Variants in VAMP4 observed in about 807,000 individuals in gnomAD.
The protein encoded by VAMP4 is vesicle-associated membrane protein 4.
Under a neutral mutation model 23.5 loss-of-function variants are expected in VAMP4, and 19 were observed. That is an observed-to-expected ratio of 0.81 (90% confidence interval 0.56 to 1.19). The LOEUF (loss-of-function observed/expected upper bound fraction) is 1.19. Ranked by LOEUF, VAMP4 falls within the 50% of genes most tolerant of loss-of-function variation. The pLI, the probability that VAMP4 is intolerant of heterozygous loss-of-function variation, is 0.00. For missense variants in VAMP4, 145 were observed against 168.6 expected (o/e 0.86, Z 0.78); for synonymous variants, 31 against 51.0 (o/e 0.61, Z 1.67).
At chr1:171,740,531 G>T (rs1655891647) in intron 1 of VAMP4, among the ~76,000 whole-genome samples, 1 of 152,170 alleles carries the variant, frequency 6.6e-6, no homozygotes, top group Non-Finnish European at 1.5e-5. Context: ...CCAAATTCTT[G>T]CTGCCTGAGT....
chr1:171,700,968 T>C lies in VAMP4; in HGVS notation c.*3538A>G, dbSNP rs1217217759. On this transcript the variant is annotated 3_prime_UTR_variant, in exon 8 of 8. Coordinates refer to ENST00000236192, the MANE Select transcript of VAMP4 (RefSeq NM_003762.5). ...TTTGTATTCCCATCCCTAATTCTAC[T>C]TGGTTTCCAGAAGAAAAAAAAAATC... is the stretch of plus-strand genomic sequence containing the variant. The C allele has an allele frequency of 6.6e-6, 1 of 152,074 alleles. No individual in the cohort carries two copies. The highest frequency in any genetic ancestry group is 1.5e-5 in the Non-Finnish European group (1 of 68,024). The allele number at this position is 152,074 out of a possible 1,614,324, so 9.4% of individuals were successfully genotyped here.
intron 2 of VAMP4, among the ~76,000 whole-genome samples, chr1:171,737,747 T>C (rs1257293692): frequency 6.6e-6 from 1 of 152,176 alleles, no homozygotes; most frequent in African/African-American, 2.4e-5. Context: ...TTCTAAAATC[T>C]GAAAAATTCC....
rs1654509355 is a variant in VAMP4, at chr1:171,703,278, A to C, written c.*1228T>G. The stretch of plus-strand genomic sequence containing the variant: ...TTTCACTCTGACTTGTTTAAAAGAC[A>C]CAAGGAGGTTGGCATATTTTAAAGT... On this transcript the variant is annotated 3_prime_UTR_variant, in exon 8 of 8. Coordinates refer to ENST00000236192, the MANE Select transcript of VAMP4 (RefSeq NM_003762.5). 6.7e-6 allele frequency: 1 copy of C among 149,042 alleles called. No homozygotes were observed. Among genetic ancestry groups the C allele is most frequent in the African/African-American group, 2.4e-5 (1 of 41,050 alleles). 9.2% of individuals were successfully genotyped at this position (149,042 alleles called of 1,614,324 possible). A position where few individuals can be genotyped will look rare whatever the true frequency, so the allele number is the denominator to read the frequency against.
rs1363318805 is a variant in VAMP4 at position 171,701,041 on chromosome 1, A to C, written c.*3465T>G. ...TTAAAGAGGATCTAAACCCTACATC[A>C]ATCTAAAGCATTTAGACAAATGCAT... On this transcript the variant is annotated 3_prime_UTR_variant, in exon 8 of 8. Coordinates refer to ENST00000236192, the MANE Select transcript of VAMP4 (RefSeq NM_003762.5). 1.3e-5 allele frequency: 2 copies of C among 152,186 alleles called. No individual in the cohort carries two copies. Among genetic ancestry groups the C allele is most frequent in the African/African-American group, 2.4e-5 (1 of 41,448 alleles). 9.4% of individuals were successfully genotyped at this position (152,186 alleles called of 1,614,324 possible).
chr1:171,709,810 C>G (rs1338249395), intron 5 of VAMP4, 66 bp from the exon 6 acceptor site: 2 of 1,237,144 alleles, frequency 1.6e-6, no homozygotes, highest in Non-Finnish European at 2.4e-6. Flanking sequence ...TCTAGTCACA[C>G]AAAGATAAGA....
At chr1:171,714,471 A>G (rs11583920) in intron 4 of VAMP4, among the ~76,000 whole-genome samples, 26,229 of 152,242 alleles carry the variant, frequency 0.17, 2,356 homozygotes, top group Middle Eastern at 0.24. Context: ...CATTCATTCA[A>G]AAAACATTAA....
rs1340496302 is a variant in VAMP4, at chr1:171,737,495, G to A, written c.66+854C>T. On this transcript the variant is annotated intron_variant, in intron 2 of 7. Transcript: ENST00000236192. Reference sequence around the variant, plus strand: ...GAAGCATTATATAAAAGATACTCTGGAACATAAGATAATTACAGGTCTGGG... The same window carrying A: ...GAAGCATTATATAAAAGATACTCTGAAACATAAGATAATTACAGGTCTGGG... Among the ~76,000 whole-genome samples, 5 of 152,088 alleles carry A rather than the reference G, an allele frequency of 3.3e-5. 1 individual carries two copies. In the South Asian group the frequency reaches 1.0e-3, roughly 32 times the overall value.
intron 3 of VAMP4, among the ~76,000 whole-genome samples, chr1:171,723,077 AT>A (rs929713948): frequency 6.6e-6 from 1 of 152,108 alleles, no homozygotes; most frequent in African/African-American, 2.4e-5. Context: ...AGGTTCTGTG[AT>A]GCCCCCCTAC....
At chr1:171,734,827 T>C (rs978653443) in intron 2 of VAMP4, among the ~76,000 whole-genome samples, 4 of 152,184 alleles carry the variant, frequency 2.6e-5, no homozygotes, top group Admixed American at 6.6e-5. Context: ...GAGAAAGTGA[T>C]ACAATTACAG....
rs773724834 is a variant in VAMP4 at position 171,710,811 on chromosome 1, A to G, written c.168T>C (p.Val56=). The G allele has an allele frequency of 6.3e-7, 1 of 1,594,140 alleles. No individual in the cohort carries two copies. The highest frequency in any genetic ancestry group is 8.5e-7 in the Non-Finnish European group (1 of 1,170,836). ...FGPRNDKIKH[V]QNQVDEVIDV... Reference sequence around the variant, plus strand: ...CAATAACTTCATCCACTTGATTCTGAACACTAGTTTAAAAAAGATACACAA... The same window carrying G: ...CAATAACTTCATCCACTTGATTCTGGACACTAGTTTAAAAAAGATACACAA... The change falls in exon 5 of 8, where the codon GTT becomes GTC. Residue 56 remains valine, a synonymous_variant. Transcript: ENST00000236192.
At chr1:171,721,715 T>A (rs1655200020) in intron 3 of VAMP4, among the ~76,000 whole-genome samples, 1 of 152,092 alleles carries the variant, frequency 6.6e-6, no homozygotes, top group Admixed American at 6.6e-5. Context: ...AAGGACCTCT[T>A]CAAGGAGAAC....
Position 171,710,826 on chromosome 1 carries a change from A to AAGAT in VAMP4, c.165-16_165-13dup, listed in dbSNP as rs775527681. On this transcript the variant is annotated splice_polypyrimidine_tract_variant and intron_variant, in intron 4 of 7. Coordinates refer to ENST00000236192, the MANE Select transcript of VAMP4 (RefSeq NM_003762.5). ...CTTGATTCTGAACACTAGTTTAAAA[A>AAGAT]AGATACACAATTATTTATCCTTCTT... 5 of 1,553,536 alleles carry AAGAT rather than the reference A, an allele frequency of 3.2e-6. No individual in the cohort carries two copies. The highest frequency in any genetic ancestry group is 1.8e-5 in the Admixed American group (1 of 54,520).
At chr1:171,723,801 G>T (rs1442193909) in intron 3 of VAMP4, among the ~76,000 whole-genome samples, 2 of 152,318 alleles carry the variant, frequency 1.3e-5, no homozygotes, top group African/African-American at 4.8e-5. Context: ...ATTGACTGGG[G>T]AAGTGATAAA....
In VAMP4 at chr1:171,703,348, C is replaced by T. The variant is rs1351996652; in HGVS notation, c.*1158G>A. ...AAAAACAGGCTTAGGTTAATGGTCA[C>T]TCTCTAGCATTTGGTTACCGACTGA... On this transcript the variant is annotated 3_prime_UTR_variant, in exon 8 of 8. Transcript: ENST00000236192. 4 of 147,592 alleles carry T rather than the reference C, an allele frequency of 2.7e-5. No homozygotes were observed. The highest frequency in any genetic ancestry group is 6.0e-5 in the Non-Finnish European group (4 of 66,816). 9.1% of individuals were successfully genotyped at this position (147,592 alleles called of 1,614,324 possible). A position where few individuals can be genotyped will look rare whatever the true frequency, so the allele number is the denominator to read the frequency against.
intron 2 of VAMP4, among the ~76,000 whole-genome samples, chr1:171,730,171 T>C (rs1655516548): frequency 6.6e-6 from 1 of 152,208 alleles, no homozygotes; most frequent in Non-Finnish European, 1.5e-5. Flanking sequence ...ACCAGAACCA[T>C]AAGACAATAA....
chr1:171,727,353 A>C (rs1161753898), intron 3 of VAMP4, among the ~76,000 whole-genome samples: 1 of 152,130 alleles, frequency 6.6e-6, no homozygotes, highest in Non-Finnish European at 1.5e-5. Context: ...AAAAATAAGC[A>C]CACTACTAGA....
chr1:171,734,729 A>C (rs1271763823), intron 2 of VAMP4, among the ~76,000 whole-genome samples: 1 of 152,206 alleles, frequency 6.6e-6, no homozygotes. Context: ...TTCATAATAT[A>C]ATAAACATCA....
chr1:171,738,268 G>C, intron 2 of VAMP4, 81 bp downstream of exon 2: 1 of 1,531,624 alleles, frequency 6.5e-7, no homozygotes, highest in Admixed American at 1.8e-5. Flanking sequence ...ACGCCCGGAT[G>C]GTTTTTCTTC....
chr1:171,705,166 C>G (rs370320882), intron 7 of VAMP4, among the ~76,000 whole-genome samples: 2 of 152,022 alleles, frequency 1.3e-5, no homozygotes, highest in East Asian at 3.8e-4. Context: ...CAATGCATAA[C>G]CTTGGTTTAT....
Sources: gnomAD v4.1 joint callset for allele counts (sites outside exome capture counted in the v4.1 genomes callset) on GRCh38, gnomAD v4.1.1 for gene constraint, MANE v1.5 for transcripts, NCBI Gene and HGNC (gene_info 2026-07-23, HGNC 2026-07-21) for gene names.